The following MAP3K4 variants were observed in gnomAD, a reference collection of about 807,000 sequenced individuals.
MAP3K4 encodes MAP three kinase 1.
MAP3K4 carries 67 observed loss-of-function variants against 185.6 expected under a neutral mutation model. The observed-to-expected ratio is 0.36, with a 90% CI of 0.30 to 0.44. The LOEUF (loss-of-function observed/expected upper bound fraction) is 0.44, where lower values mean the gene tolerates loss of function less well. Among genes scored for constraint, MAP3K4 ranks in the 20% least tolerant of loss-of-function variants. MAP3K4 has a pLI of 1.00. For synonymous variants in MAP3K4, 702 were observed against 710.4 expected (o/e 0.99, Z 0.19); for missense variants, 1,551 against 1,995.1 (o/e 0.78, Z 4.24).
Position 161,096,963 on chromosome 6 carries a change from C to G in MAP3K4, c.3428-117C>G. 1 of 707,280 alleles carries G rather than the reference C, an allele frequency of 1.4e-6. No homozygotes were observed. The allele number at this position is 707,280 out of a possible 1,614,324, so 43.8% of individuals were successfully genotyped here. A position where few individuals can be genotyped will look rare whatever the true frequency, so the allele number is the denominator to read the frequency against. ...ATTATTTTTTACTTATATAAATGGACTTACCTTGGTCATTGGCCAGAATAA... is the reference window on the plus strand; with the variant it reads ...ATTATTTTTTACTTATATAAATGGAGTTACCTTGGTCATTGGCCAGAATAA... On this transcript the variant is annotated intron_variant, in intron 15 of 26. Transcript: ENST00000392142. This position sits in a 1 kb window ranked among gnomAD's most constrained non-coding sequence, Gnocchi z 4.9.
intron 1 of MAP3K4, among the ~76,000 whole-genome samples, chr6:160,995,749 TA>T (rs1780958389): frequency 6.6e-6 from 1 of 152,210 alleles, no homozygotes. Flanking sequence ...CTGAGGTGAC[TA>T]GGAGAGCTAT....
At chr6:161,021,768 C>T (rs1260659458) in intron 1 of MAP3K4, among the ~76,000 whole-genome samples, 1 of 152,160 alleles carries the variant, frequency 6.6e-6, no homozygotes, top group Non-Finnish European at 1.5e-5. Flanking sequence ...CCTAGCACAC[C>T]TCTTGTCTGG....
At chr6:161,042,584 G>C (rs182636669) in intron 2 of MAP3K4, among the ~76,000 whole-genome samples, 1 of 152,264 alleles carries the variant, frequency 6.6e-6, no homozygotes, top group Non-Finnish European at 1.5e-5. Flanking sequence ...TTAAGATTTT[G>C]ATACGTTTTG....
Position 161,091,483 on chromosome 6 carries a change from C to T in MAP3K4, c.3078C>T (p.Val1026=). 3.1e-6 allele frequency: 5 copies of T among 1,614,012 alleles called. No homozygotes were observed. The highest frequency in any genetic ancestry group is 4.2e-6 in the Non-Finnish European group (5 of 1,179,960). The change falls in exon 12 of 27, where the codon GTC becomes GTT. Residue 1026 remains valine (V), a synonymous_variant. Coordinates refer to ENST00000392142, the MANE Select transcript of MAP3K4 (RefSeq NM_005922.4). The surrounding 1 kb of genome is among the most constrained non-coding windows in gnomAD (Gnocchi z 5.5). The part of the protein sequence containing the change: ...FDAEVDESES[V]TLQQYYREAM... Reference sequence around the variant, plus strand: ...CTGAGGTTGATGAATCTGAATCTGTCACCTTGCAACAGTACTACCGAGAAG... The same window carrying T: ...CTGAGGTTGATGAATCTGAATCTGTTACCTTGCAACAGTACTACCGAGAAG...
chr6:161,083,719 A>C (rs1237216679), intron 6 of MAP3K4, among the ~76,000 whole-genome samples: 3 of 152,122 alleles, frequency 2.0e-5, no homozygotes, highest in Non-Finnish European at 4.4e-5. Context: ...TCTTCCTCGC[A>C]GATTTTCCTT....
At chr6:161,041,932 T>TTC (rs1554276696) in intron 2 of MAP3K4, among the ~76,000 whole-genome samples, 76 of 135,082 alleles carry the variant, frequency 5.6e-4, no homozygotes, top group Non-Finnish European at 9.6e-4. Flanking sequence ...TTTTCTTTTT[T>TTC]TTTTTTTTAG....
chr6:161,109,048 T>C lies in MAP3K4; in HGVS notation c.4236+189T>C. On this transcript the variant is annotated intron_variant, in intron 22 of 26. Transcript: ENST00000392142. The surrounding 1 kb of genome is among the most constrained non-coding windows in gnomAD (Gnocchi z 5.7). ...GAGGAGTTCCTCCTAAAATGTAAGT[T>C]GTAGACTGTAGTCATTAACCCGACA... 1 of 1,506,470 alleles carries C rather than the reference T, an allele frequency of 6.6e-7. No individual in the cohort carries two copies. Among genetic ancestry groups the C allele is most frequent in the Non-Finnish European group, 8.9e-7 (1 of 1,118,578 alleles). The allele number at this position is 1,506,470 out of a possible 1,614,324, so 93.3% of individuals were successfully genotyped here.
intron 1 of MAP3K4, among the ~76,000 whole-genome samples, chr6:160,999,400 A>G (rs559179838): frequency 7.2e-4 from 110 of 152,328 alleles, no homozygotes; most frequent in African/African-American, 2.3e-3. Flanking sequence ...TGGTTTTCTC[A>G]CACAATTTTT....
chr6:161,024,727 A>G (rs1011023034), intron 1 of MAP3K4, among the ~76,000 whole-genome samples: 2 of 152,140 alleles, frequency 1.3e-5, no homozygotes, highest in African/African-American at 4.8e-5. Flanking sequence ...TGCTGTCAAC[A>G]TGGCTTACCA....
In MAP3K4 at chr6:161,091,987, A is replaced by C. The variant is rs757911317; in HGVS notation, c.3136-23A>C. 6.3e-7 allele frequency: 1 copy of C among 1,589,928 alleles called. No individual in the cohort carries two copies. Among genetic ancestry groups the C allele is most frequent in the African/African-American group, 1.3e-5 (1 of 74,386 alleles). ...TTTAATGATCATTTCCTTAATGTTG[A>C]TATACATGAAATCTTCTTACAGTAT... is the stretch of plus-strand genomic sequence containing the variant. On this transcript the variant is annotated intron_variant, in intron 12 of 26. Coordinates refer to ENST00000392142, the MANE Select transcript of MAP3K4 (RefSeq NM_005922.4). The surrounding 1 kb of genome is among the most constrained non-coding windows in gnomAD (Gnocchi z 5.5).
chr6:161,106,747 AG>A lies in MAP3K4; in HGVS notation c.4048+43del. On this transcript the variant is annotated intron_variant, in intron 20 of 26. Transcript: ENST00000392142. This position sits in a 1 kb window ranked among gnomAD's most constrained non-coding sequence, Gnocchi z 4.9. Reference sequence around the variant, plus strand: ...GCATGATGTCAAGATAGTCCCTGTTAGAAGTAGCAATAGTTATACTTCTTTA... The same window carrying A: ...GCATGATGTCAAGATAGTCCCTGTTAAAGTAGCAATAGTTATACTTCTTTA... 1 of 1,501,306 alleles carries A rather than the reference AG, an allele frequency of 6.7e-7. No homozygotes were observed. Among genetic ancestry groups the A allele is most frequent in the Non-Finnish European group, 9.1e-7 (1 of 1,099,004 alleles). 93.0% of individuals were successfully genotyped at this position (1,501,306 alleles called of 1,614,324 possible).
At position 161,048,447 on chromosome 6, in the gene MAP3K4, CAT is replaced by C. The variant is rs907533780; in HGVS notation, c.344-162_344-161del. Among the ~76,000 whole-genome samples the C allele has an allele frequency of 2.0e-5, 3 of 151,964 alleles. No homozygotes were observed. The highest frequency in any genetic ancestry group is 2.9e-5 in the Non-Finnish European group (2 of 68,000). On this transcript the variant is annotated intron_variant, in intron 2 of 26. Coordinates refer to ENST00000392142, the MANE Select transcript of MAP3K4 (RefSeq NM_005922.4). This position sits in a 1 kb window ranked among gnomAD's most constrained non-coding sequence, Gnocchi z 4.7. ...ATTTTTTTTAAAATATAGAAAATGT[CAT>C]ATATATTTTTTGATTCCTTTAATTT...
chr6:161,083,327 C>T (rs548016120), intron 6 of MAP3K4, among the ~76,000 whole-genome samples: 1 of 152,322 alleles, frequency 6.6e-6, no homozygotes, highest in South Asian at 2.1e-4. Flanking sequence ...TTGTGTTTCT[C>T]CATCCACTGG....
intron 1 of MAP3K4, among the ~76,000 whole-genome samples, chr6:161,005,642 T>A (rs948472082): frequency 1.3e-5 from 2 of 152,190 alleles, no homozygotes; most frequent in Non-Finnish European, 2.9e-5. Context: ...CAAATTTACC[T>A]TTTTTAGAAT....
intron 1 of MAP3K4, among the ~76,000 whole-genome samples, chr6:161,014,383 G>T (rs1441022096): frequency 6.6e-6 from 1 of 152,128 alleles, no homozygotes; most frequent in Non-Finnish European, 1.5e-5. Context: ...ATGTAAGTAG[G>T]TTTGCTTTCC....
In MAP3K4 at chr6:161,086,253, T is replaced by TA. The variant is rs1167966249; in HGVS notation, c.2373-120dup. On this transcript the variant is annotated intron_variant, in intron 7 of 26. Coordinates refer to ENST00000392142, the MANE Select transcript of MAP3K4 (RefSeq NM_005922.4). This position sits in a 1 kb window ranked among gnomAD's most constrained non-coding sequence, Gnocchi z 4.8. ...TCTTCAATAATAGTTTGTTCCCATT[T>TA]AAAAAATCCTCAGTCTTTATTTATT... The TA allele has an allele frequency of 2.2e-5, 12 of 548,444 alleles. No homozygotes were observed. Among genetic ancestry groups the TA allele is most frequent in the East Asian group, 1.4e-4 (5 of 34,690 alleles). 34.0% of individuals were successfully genotyped at this position (548,444 alleles called of 1,614,324 possible).
At chr6:160,997,270 C>G (rs1198840846) in intron 1 of MAP3K4, among the ~76,000 whole-genome samples, 2 of 152,160 alleles carry the variant, frequency 1.3e-5, no homozygotes. Context: ...CACCCCTCGC[C>G]AAGAATCCTT....
chr6:161,091,750 C>G lies in MAP3K4; in HGVS notation c.3135+210C>G, dbSNP rs1229561720. On this transcript the variant is annotated intron_variant, in intron 12 of 26. Coordinates refer to ENST00000392142, the MANE Select transcript of MAP3K4 (RefSeq NM_005922.4). The surrounding 1 kb of genome is among the most constrained non-coding windows in gnomAD (Gnocchi z 5.5). ...ACTTTTATTTTGTGCTAACAGCCAT[C>G]TACTTACATTTTAAAACTTTAAAGA... is the stretch of plus-strand genomic sequence containing the variant. Among the ~76,000 whole-genome samples, 1 of 152,150 alleles carries G rather than the reference C, an allele frequency of 6.6e-6. No homozygotes were observed. The highest frequency in any genetic ancestry group is 1.5e-5 in the Non-Finnish European group (1 of 68,012).
At chr6:161,094,291 A>G (rs1032461021) in intron 15 of MAP3K4, among the ~76,000 whole-genome samples, 1 of 152,200 alleles carries the variant, frequency 6.6e-6, no homozygotes, top group African/African-American at 2.4e-5. Context: ...AGCTTTCCCA[A>G]GTACCCATCT....
Sources: allele counts gnomAD v4.1 joint callset (sites outside exome capture counted in the v4.1 genomes callset), GRCh38; gene constraint gnomAD v4.1.1; non-coding constraint Gnocchi (gnomAD v3.1); transcripts MANE v1.5; gene names NCBI Gene and HGNC (gene_info 2026-07-23, HGNC 2026-07-21).